The following DOCK1 variants were observed in gnomAD, a reference collection of about 807,000 sequenced individuals.
DOCK1 encodes dedicator of cytokinesis 1.
A neutral mutation model predicts 262.7 loss-of-function variants in DOCK1; 138 were observed. That is an observed-to-expected ratio of 0.53 (90% confidence interval 0.46 to 0.61). The LOEUF (loss-of-function observed/expected upper bound fraction) is 0.61. DOCK1 is among the 20% of genes least tolerant of loss of function. DOCK1 has a pLI of 0.00. For synonymous variants in DOCK1, 866 were observed against 867.4 expected, an observed-to-expected ratio of 1.00 and a Z score of 0.03; for missense variants, 1,908 against 2,370.7, an observed-to-expected ratio of 0.80 and a Z score of 4.05.
At chr10:127,361,106 CTTTTTTTTTTTTTTT>C (rs1175942298) in intron 32 of DOCK1, among the ~76,000 whole-genome samples, 3 of 87,432 alleles carry the variant, frequency 3.4e-5, no homozygotes, top group African/African-American at 9.6e-5. Context: ...TAAAGTAGTT[CTTTTTTTTTTTTTTT>C]TTTTTTTTTT....
At chr10:127,403,259 C>T in intron 39 of DOCK1, 115 bp downstream of exon 39, 1 of 973,502 alleles carries the variant, frequency 1.0e-6, no homozygotes, top group Admixed American at 2.7e-5. Flanking sequence ...GGGACCTTGG[C>T]CATGTCCCTC....
chr10:127,226,770 C>CAAACAAACA (rs1554924200), intron 27 of DOCK1, among the ~76,000 whole-genome samples: 24 of 151,450 alleles, frequency 1.6e-4, no homozygotes, highest in Admixed American at 7.2e-4. Context: ...AACAAACAAA[C>CAAACAAACA]AAAAAAAAGA....
chr10:127,292,548 G>T (rs1337501467), intron 29 of DOCK1, among the ~76,000 whole-genome samples: 1 of 152,234 alleles, frequency 6.6e-6, no homozygotes, highest in Non-Finnish European at 1.5e-5. Flanking sequence ...CCTTGGGGCT[G>T]TGGAGTCATG....
chr10:126,971,642 T>C (rs1286968257), intron 2 of DOCK1, among the ~76,000 whole-genome samples: 4 of 152,046 alleles, frequency 2.6e-5, no homozygotes, highest in Admixed American at 6.5e-5. Flanking sequence ...GGTCCTGAAC[T>C]CCTGAGCTCA....
chr10:127,229,388 C>T (rs1054181601), intron 27 of DOCK1, among the ~76,000 whole-genome samples: 5 of 152,140 alleles, frequency 3.3e-5, no homozygotes, highest in East Asian at 1.9e-4. Flanking sequence ...ATCGTCTCCC[C>T]GGTCCCCCCG....
intron 37 of DOCK1, among the ~76,000 whole-genome samples, chr10:127,382,197 G>A (rs1262667442): frequency 2.0e-5 from 3 of 152,136 alleles, no homozygotes; most frequent in Admixed American, 2.0e-4. Flanking sequence ...ATCCAAGCCA[G>A]CCTCCCAAAA....
chr10:126,931,516 G>C (rs1434123895), intron 1 of DOCK1, among the ~76,000 whole-genome samples: 2 of 152,120 alleles, frequency 1.3e-5, no homozygotes, highest in African/African-American at 4.8e-5. Context: ...ACAACAGTGT[G>C]TTTTTGCTGG....
chr10:127,417,279 C>T (rs2068214997), intron 44 of DOCK1, among the ~76,000 whole-genome samples: 1 of 152,220 alleles, frequency 6.6e-6, no homozygotes, highest in African/African-American at 2.4e-5. Context: ...TCAAGCAAGA[C>T]CTCAGGGCAG....
chr10:127,147,170 C>T (rs2133387782), intron 27 of DOCK1, among the ~76,000 whole-genome samples: 1 of 152,240 alleles, frequency 6.6e-6, no homozygotes, highest in South Asian at 2.1e-4. Context: ...AGGAACTTGC[C>T]TTCTTTTGGA....
At chr10:127,006,974 CT>C (rs1483395796) in intron 10 of DOCK1, among the ~76,000 whole-genome samples, 1 of 152,124 alleles carries the variant, frequency 6.6e-6, no homozygotes, top group African/African-American at 2.4e-5. Context: ...TCTCGGGCAT[CT>C]TGGAAAAAGG....
Position 127,344,080 on chromosome 10 carries a change from G to A in DOCK1, c.3224+334G>A, listed in dbSNP as rs192607017. 1.8e-3 allele frequency: 375 copies of A among 213,196 alleles called. 1 individual carries two copies. Among genetic ancestry groups the A allele is most frequent in the Admixed American group, 4.5e-3 (79 of 17,580 alleles). 13.2% of individuals were successfully genotyped at this position (213,196 alleles called of 1,614,324 possible). On this transcript the variant is annotated intron_variant, in intron 31 of 51. Transcript: ENST00000623213. ...ACTTTATTGCTTAATTCTTCAATTC[G>A]AAAGGAGCTTCTGATGAAAGCTCTT...
chr10:127,268,654 G>T (rs1040252975), intron 29 of DOCK1, among the ~76,000 whole-genome samples: 4 of 152,100 alleles, frequency 2.6e-5, no homozygotes, highest in Admixed American at 1.3e-4. Context: ...ACAAATAATA[G>T]CAGCTAGCTG....
At chr10:126,956,285 G>A (rs1272768787) in intron 1 of DOCK1, among the ~76,000 whole-genome samples, 3 of 152,230 alleles carry the variant, frequency 2.0e-5, no homozygotes, top group African/African-American at 4.8e-5. Flanking sequence ...TGGGACTTCT[G>A]GAAGCCTGAG....
chr10:127,125,571 C>T lies in DOCK1; in HGVS notation c.2721C>T (p.His907=). ...DLEACCQLLS[H]ILEVLYRKDV... ...AGGCCTGCTGTCAGCTGCTCAGCCA[C>T]ATCCTGGAGGTGCTGTACAGGAAGG... Residue 907 remains histidine (H), a synonymous_variant, in exon 26 of 52, where the codon CAC becomes CAT. Transcript: ENST00000623213. The T allele has an allele frequency of 6.2e-7, 1 of 1,613,890 alleles. No homozygotes were observed. Among genetic ancestry groups the T allele is most frequent in the Non-Finnish European group, 8.5e-7 (1 of 1,179,856 alleles).
intron 31 of DOCK1, among the ~76,000 whole-genome samples, chr10:127,349,811 A>G (rs948875380): frequency 3.9e-5 from 6 of 151,988 alleles, no homozygotes; most frequent in African/African-American, 1.5e-4. Context: ...TTTTACTCCA[A>G]TCCCTGCCCC....
intron 25 of DOCK1, among the ~76,000 whole-genome samples, chr10:127,120,953 C>T (rs1331017282): frequency 6.6e-6 from 1 of 152,172 alleles, no homozygotes; most frequent in Non-Finnish European, 1.5e-5. Context: ...ATTTAGTTCT[C>T]AGTCAACCTG....
chr10:126,971,969 TGC>T (rs1251612793), intron 2 of DOCK1, among the ~76,000 whole-genome samples: 1 of 152,004 alleles, frequency 6.6e-6, no homozygotes, highest in African/African-American at 2.4e-5. Flanking sequence ...CAGGCTGGAG[TGC>T]AATGGCGCGA....
intron 1 of DOCK1, among the ~76,000 whole-genome samples, chr10:126,944,329 C>T (rs1056656056): frequency 2.4e-4 from 37 of 151,788 alleles, no homozygotes; most frequent in African/African-American, 6.5e-4. Flanking sequence ...GGGCTGTGCC[C>T]GTGGTAGACA....
In DOCK1 at chr10:127,031,626, ATTTTTTTG is replaced by A; in HGVS notation, c.1625-17_1625-10del. On this transcript the variant is annotated splice_polypyrimidine_tract_variant and intron_variant, in intron 16 of 51. Coordinates refer to ENST00000623213, the MANE Select transcript of DOCK1 (RefSeq NM_001290223.2). ...TCATGATAATTGAAAGCAATCATCA[ATTTTTTTG>A]TTTTTTGTTTTACAGCTAAGGATAA... 1.3e-6 allele frequency: 2 copies of A among 1,571,718 alleles called. No individual in the cohort carries two copies. The highest frequency in any genetic ancestry group is 1.1e-5 in the South Asian group (1 of 87,492).
Sources: gnomAD v4.1 joint callset for allele counts (sites outside exome capture counted in the v4.1 genomes callset) on GRCh38, gnomAD v4.1.1 for gene constraint, MANE v1.5 for transcripts, NCBI Gene and HGNC (gene_info 2026-07-23, HGNC 2026-07-21) for gene names.